Variants in FBXO10 observed in about 807,000 individuals in gnomAD.
FBXO10 encodes the protein F-box only protein 10.
Under a neutral mutation model 80.7 loss-of-function variants are expected in FBXO10, and 39 were observed. The ratio of observed to expected loss-of-function variants is 0.48; its 90% CI spans 0.37 to 0.63. The LOEUF (loss-of-function observed/expected upper bound fraction) is 0.63, where lower values mean the gene tolerates loss of function less well. Ranked by LOEUF, FBXO10 falls within the 30% of genes least tolerant of loss-of-function variation. The probability of loss-of-function intolerance (pLI) is 0.00; values close to 1 mark genes in which losing one functional copy is unlikely to be tolerated. For missense variants in FBXO10, 1,025 were observed against 1,269.0 expected (o/e 0.81, Z 2.92); for synonymous variants, 449 against 489.6 (o/e 0.92, Z 1.09).
intron 1 of FBXO10, among the ~76,000 whole-genome samples, chr9:37,575,840 G>A (rs1822881333): frequency 6.6e-6 from 1 of 152,154 alleles, no homozygotes. Flanking sequence ...GTTCCTAGGT[G>A]AAGGCTCTTC....
rs745871253 is a variant in FBXO10 at position 37,537,823 on chromosome 9, G to T, written c.706C>A (p.His236Asn). 6.2e-7 allele frequency: 1 copy of T among 1,614,014 alleles called. No individual in the cohort carries two copies. Among genetic ancestry groups the T allele is most frequent in the Non-Finnish European group, 8.5e-7 (1 of 1,179,894 alleles). ...TCCAGGACACACAGGGGCACGTTGT[G>T]CAGGAAGATATGGGTGTTTTTGAAG... is the stretch of plus-strand genomic sequence containing the variant. ...CTFKNTHIFL[H>N]NVPLCVLENC... The change falls in exon 3 of 11, where the codon CAC (histidine) becomes AAC (asparagine). Residue 236 changes from histidine (H) to asparagine (N), a missense_variant. Coordinates refer to ENST00000432825, the MANE Select transcript of FBXO10 (RefSeq NM_012166.3).
intron 1 of FBXO10, among the ~76,000 whole-genome samples, chr9:37,570,374 C>G (rs563130090): frequency 1.3e-5 from 2 of 151,732 alleles, no homozygotes; most frequent in South Asian, 4.2e-4. Flanking sequence ...CTTGTGAACT[C>G]CTGCTGAAAC....
chr9:37,574,390 G>A (rs1419195995), intron 1 of FBXO10, among the ~76,000 whole-genome samples: 1 of 152,136 alleles, frequency 6.6e-6, no homozygotes, highest in Non-Finnish European at 1.5e-5. Flanking sequence ...TTGCTTAACA[G>A]CTACTTGTGC....
At chr9:37,544,024 T>C (rs187509574) in intron 1 of FBXO10, among the ~76,000 whole-genome samples, 7 of 152,156 alleles carry the variant, frequency 4.6e-5, no homozygotes, top group Non-Finnish European at 7.3e-5. Context: ...CCCAGCACTT[T>C]GGGATGCCGA....
At chr9:37,515,834 G>A (rs1821166293) in intron 10 of FBXO10, 70 bp downstream of exon 10, 1 of 1,514,286 alleles carries the variant, frequency 6.6e-7, no homozygotes, top group Non-Finnish European at 9.0e-7. Flanking sequence ...ATCCCTGGGT[G>A]TGGGCCTGGC....
intron 6 of FBXO10, 62 bp downstream of exon 6, chr9:37,525,040 T>TG: frequency 1.4e-6 from 2 of 1,424,074 alleles, no homozygotes; most frequent in African/African-American, 1.4e-5. Context: ...GTCCTGAAGC[T>TG]GGGGGGTGAC....
chr9:37,549,910 C>A (rs1387320608), intron 1 of FBXO10, among the ~76,000 whole-genome samples: 1 of 152,136 alleles, frequency 6.6e-6, no homozygotes, highest in African/African-American at 2.4e-5. Context: ...GTGCTCAATG[C>A]CTCTATCCAG....
At chr9:37,512,864 T>C (rs1269508199) in intron 10 of FBXO10, 143 bp from the exon 11 acceptor site, 1 of 860,698 alleles carries the variant, frequency 1.2e-6, no homozygotes, top group East Asian at 2.7e-5. Flanking sequence ...CAGTTTAGTG[T>C]TAGTCCAAAG....
chr9:37,555,632 T>C lies in FBXO10; in HGVS notation c.-6-13858A>G, dbSNP rs938362984. On this transcript the variant is annotated intron_variant, in intron 1 of 10. Transcript: ENST00000432825. ...CTGACCACAGGTGATCCACCCACCT[T>C]GGCCTCCCAAAGCACTGGGATTACA... 1.2e-4 allele frequency among the ~76,000 whole-genome samples: 18 copies of C among 152,272 alleles called. No homozygotes were observed. In the South Asian group the frequency reaches 3.1e-3, roughly 26 times the overall value.
intron 1 of FBXO10, among the ~76,000 whole-genome samples, chr9:37,551,089 C>G (rs904342058): frequency 1.3e-5 from 2 of 152,182 alleles, no homozygotes; most frequent in Non-Finnish European, 2.9e-5. Flanking sequence ...AAGAGAGAAA[C>G]AGACAAGAAG....
At chr9:37,554,802 A>C (rs1385167448) in intron 1 of FBXO10, among the ~76,000 whole-genome samples, 1 of 152,158 alleles carries the variant, frequency 6.6e-6, no homozygotes, top group Non-Finnish European at 1.5e-5. Flanking sequence ...CATTGTATTA[A>C]GTGTTAATAT....
At chr9:37,517,041 C>A (rs1028532930) in intron 9 of FBXO10, among the ~76,000 whole-genome samples, 27 of 151,900 alleles carry the variant, frequency 1.8e-4, no homozygotes, top group African/African-American at 6.3e-4. Flanking sequence ...GAAATAACAG[C>A]CTTTGCAGCA....
At chr9:37,570,613 C>T (rs974807023) in intron 1 of FBXO10, among the ~76,000 whole-genome samples, 7 of 151,826 alleles carry the variant, frequency 4.6e-5, no homozygotes, top group African/African-American at 1.7e-4. Context: ...TCTACTAAAA[C>T]CAAAGAAGAA....
chr9:37,513,412 CTG>C (rs2119039662), intron 10 of FBXO10, among the ~76,000 whole-genome samples: 1 of 152,276 alleles, frequency 6.6e-6, no homozygotes, highest in African/African-American at 2.4e-5. Context: ...AGTGAATAAA[CTG>C]TGCAGTACAC....
chr9:37,572,108 A>G (rs984586887), intron 1 of FBXO10, among the ~76,000 whole-genome samples: 1 of 152,180 alleles, frequency 6.6e-6, no homozygotes, highest in African/African-American at 2.4e-5. Flanking sequence ...TGACAAAGCA[A>G]GACCCTGTTT....
At chr9:37,552,126 TAAG>T (rs748807283) in intron 1 of FBXO10, among the ~76,000 whole-genome samples, 1 of 152,230 alleles carries the variant, frequency 6.6e-6, no homozygotes, top group Admixed American at 6.5e-5. Flanking sequence ...AAGCAATCTG[TAAG>T]AAGAACAAGG....
intron 1 of FBXO10, among the ~76,000 whole-genome samples, chr9:37,575,274 A>G (rs753757754): frequency 2.1e-4 from 32 of 152,224 alleles, no homozygotes; most frequent in Non-Finnish European, 4.1e-4. Flanking sequence ...TGCCAATTGT[A>G]AAAGAGAAGG....
At chr9:37,539,904 T>A (rs941094498) in intron 2 of FBXO10, among the ~76,000 whole-genome samples, 1 of 152,178 alleles carries the variant, frequency 6.6e-6, no homozygotes, top group Non-Finnish European at 1.5e-5. Context: ...GGGGGTCCAA[T>A]GAGGTCACAG....
chr9:37,515,867 C>T, intron 10 of FBXO10, 37 bp downstream of exon 10: 5 of 1,597,078 alleles, frequency 3.1e-6, no homozygotes, highest in Non-Finnish European at 4.3e-6. Flanking sequence ...CTTACTGTGG[C>T]TCTAGAGGAC....
Sources: gnomAD v4.1 joint callset for allele counts (sites outside exome capture counted in the v4.1 genomes callset) on GRCh38, gnomAD v4.1.1 for gene constraint, MANE v1.5 for transcripts, NCBI Gene and HGNC (gene_info 2026-07-23, HGNC 2026-07-21) for gene names.